Variants in TET2 observed in about 807,000 individuals in gnomAD.
TET2 encodes the protein tet methylcytosine dioxygenase 2.
Under a neutral mutation model 142.9 loss-of-function variants are expected in TET2, and 299 were observed. The ratio of observed to expected loss-of-function variants is 2.09; its 90% CI spans 1.90 to 2.30. The LOEUF is 2.30. Among genes scored for constraint, TET2 ranks in the 30% most tolerant of loss-of-function variants. The probability of loss-of-function intolerance (pLI) is 0.00; values close to 1 mark genes in which losing one functional copy is unlikely to be tolerated. For missense variants in TET2, 2,418 were observed against 2,378.0 expected, an observed-to-expected ratio of 1.02 and a Z score of -0.35; for synonymous variants, 819 against 849.0, an observed-to-expected ratio of 0.96 and a Z score of 0.61.
chr4:105,259,808 A>T (rs766647816), intron 7 of TET2, 39 bp downstream of exon 7: 1 of 1,536,722 alleles, frequency 6.5e-7, no homozygotes, highest in Admixed American at 2.0e-5. Flanking sequence ...TTTATTTTTC[A>T]TAGAGAATTC....
At chr4:105,232,564 T>C (rs776599990) in intron 2 of TET2, among the ~76,000 whole-genome samples, 2 of 152,204 alleles carry the variant, frequency 1.3e-5, no homozygotes, top group Non-Finnish European at 1.5e-5. Flanking sequence ...GAAGATGATA[T>C]CTGAGGCAGG....
chr4:105,153,076 C>T (rs1263624656), intron 1 of TET2, among the ~76,000 whole-genome samples: 1 of 152,128 alleles, frequency 6.6e-6, no homozygotes, highest in Non-Finnish European at 1.5e-5. Flanking sequence ...TATATGGGAT[C>T]ATATATTTTT....
Position 105,234,793 on chromosome 4 carries a change from TG to T in TET2, c.852del (p.Pro285LeufsTer8). 1 of 1,613,970 alleles carries T rather than the reference TG, an allele frequency of 6.2e-7. No individual in the cohort carries two copies. Among genetic ancestry groups the T allele is most frequent in the Non-Finnish European group, 8.5e-7 (1 of 1,179,954 alleles). The stretch of plus-strand genomic sequence containing the variant: ...TCCGCACAGACCTCTAACTCTGAGC[TG>T]CCTCCAAAGCCAGCTGCAGTGGTGA... ...INSAQTSNSE[L>X]PPKPAAVVSE... On this transcript the variant is annotated frameshift_variant, in exon 3 of 11. Transcript: ENST00000380013. LOFTEE classifies it high-confidence loss of function.
At chr4:105,222,933 T>C (rs1727935744) in intron 2 of TET2, among the ~76,000 whole-genome samples, 1 of 152,246 alleles carries the variant, frequency 6.6e-6, no homozygotes, top group Non-Finnish European at 1.5e-5. Flanking sequence ...TTTCCACATA[T>C]GGCTAGCCAG....
In TET2 at chr4:105,220,372, G is replaced by A. The variant is rs191553057; in HGVS notation, c.-46-13525G>A. 2.8e-4 allele frequency among the ~76,000 whole-genome samples: 42 copies of A among 152,132 alleles called. No individual in the cohort carries two copies. In the East Asian group the frequency reaches 6.8e-3, roughly 24 times the overall value. On this transcript the variant is annotated intron_variant, in intron 2 of 10. Transcript: ENST00000380013. Reference sequence around the variant, plus strand: ...TTGACCAGGTAACATAATTTTTACAGCACCTTTTGGTTATTAGAACAATTT... The same window carrying A: ...TTGACCAGGTAACATAATTTTTACAACACCTTTTGGTTATTAGAACAATTT...
intron 8 of TET2, among the ~76,000 whole-genome samples, chr4:105,264,575 A>G (rs575010187): frequency 6.6e-6 from 1 of 152,328 alleles, no homozygotes; most frequent in East Asian, 1.9e-4. Flanking sequence ...GCCATCAAAT[A>G]TGTTCAAGTT....
intron 1 of TET2, among the ~76,000 whole-genome samples, chr4:105,156,806 A>G (rs917601544): frequency 2.0e-5 from 3 of 152,188 alleles, no homozygotes; most frequent in Admixed American, 2.0e-4. Flanking sequence ...GAGCACCAGA[A>G]TGTGAGAGTA....
intron 4 of TET2, chr4:105,242,323 C>A: frequency 9.3e-7 from 1 of 1,077,894 alleles, no homozygotes; most frequent in Non-Finnish European, 1.1e-6. Flanking sequence ...GTGCTTTGGT[C>A]ATAAGGGAAG....
intron 2 of TET2, among the ~76,000 whole-genome samples, chr4:105,209,688 A>C (rs953787760): frequency 1.3e-5 from 2 of 152,182 alleles, no homozygotes; most frequent in African/African-American, 4.8e-5. Flanking sequence ...TGCTTTTATA[A>C]GAGGACGTGT....
chr4:105,246,667 G>C (rs1729597678), intron 6 of TET2, among the ~76,000 whole-genome samples: 1 of 152,084 alleles, frequency 6.6e-6, no homozygotes, highest in Non-Finnish European at 1.5e-5. Context: ...TTATTTTATG[G>C]CTGGCAGAAA....
rs59695275 is a variant in TET2 at position 105,250,380 on chromosome 4, A to ATTTTTTTTTTT, written c.3803+6623_3803+6633dup. On this transcript the variant is annotated intron_variant, in intron 6 of 10. Coordinates refer to ENST00000380013, the MANE Select transcript of TET2 (RefSeq NM_001127208.3). ...ATCAGCTTCTCCGTTTCCTTTCTGGATTTTTTTTTTTTTTTTTTTTTTTTT... is the reference window on the plus strand; with the variant it reads ...ATCAGCTTCTCCGTTTCCTTTCTGGATTTTTTTTTTTTTTTTTTTTTTTTTTTTTTTTTTTT... Among the ~76,000 whole-genome samples, 23 of 60,318 alleles carry ATTTTTTTTTTT rather than the reference A, an allele frequency of 3.8e-4. 4 individuals carry two copies. The highest frequency in any genetic ancestry group is 8.0e-4 in the South Asian group (1 of 1,244). The allele number at this position is 60,318 out of a possible 152,430, so 39.6% of individuals were successfully genotyped here.
intron 4 of TET2, 120 bp from the exon 5 acceptor site, chr4:105,242,714 C>A: frequency 1.4e-6 from 2 of 1,457,148 alleles, no homozygotes; most frequent in Non-Finnish European, 9.0e-7. Context: ...AATAATAAAC[C>A]GTTCATTTCT....
intron 1 of TET2, among the ~76,000 whole-genome samples, chr4:105,156,643 C>G (rs1262806242): frequency 6.6e-6 from 1 of 151,874 alleles, no homozygotes; most frequent in Non-Finnish European, 1.5e-5. Context: ...ATAGATGATG[C>G]ATAAAAAAAA....
intron 2 of TET2, among the ~76,000 whole-genome samples, chr4:105,204,701 T>C (rs1726713395): frequency 6.6e-6 from 1 of 152,192 alleles, no homozygotes; most frequent in African/African-American, 2.4e-5. Flanking sequence ...ACTTTAGCAG[T>C]ATATATTTCC....
In TET2 at chr4:105,259,628, C is replaced by A; in HGVS notation, c.3813C>A (p.Cys1271Ter). 2 of 1,550,462 alleles carry A rather than the reference C, an allele frequency of 1.3e-6. No homozygotes were observed. The highest frequency in any genetic ancestry group is 1.7e-6 in the Non-Finnish European group (2 of 1,146,160). The stretch of plus-strand genomic sequence containing the variant: ...TCTTTTGATTTTTCAGGAGAACTTG[C>A]GCCTGTCAGGGGCTGGATCCAGAAA... Reference protein sequence around the residue: ...RRCALNEERTCACQGLDPETC... With the variant: ...RRCALNEERT Residue 1271 changes from cysteine to a stop codon, truncating the protein, a stop_gained, in exon 7 of 11, where the codon TGC becomes TGA. Transcript: ENST00000380013. LOFTEE classifies it high-confidence loss of function.
In TET2 at chr4:105,234,902, AC is replaced by A; in HGVS notation, c.961del (p.Gln321AsnfsTer26). 6.2e-7 allele frequency: 1 copy of A among 1,614,112 alleles called. No homozygotes were observed. The highest frequency in any genetic ancestry group is 8.5e-7 in the Non-Finnish European group (1 of 1,180,000). The stretch of plus-strand genomic sequence containing the variant: ...ATACCTGTTCCTTTCAGAAACCAGA[AC>A]AACTACAACAACAAAAATCAGTTTT... The part of the protein sequence containing the change: ...LNTCSFQKPE[Q>X]LQQQKSVFEI... On this transcript the variant is annotated frameshift_variant, in exon 3 of 11. Coordinates refer to ENST00000380013, the MANE Select transcript of TET2 (RefSeq NM_001127208.3). LOFTEE classifies it high-confidence loss of function.
At chr4:105,172,212 C>A (rs1279708307) in intron 1 of TET2, among the ~76,000 whole-genome samples, 1 of 152,104 alleles carries the variant, frequency 6.6e-6, no homozygotes, top group Non-Finnish European at 1.5e-5. Context: ...CCTGCACTGT[C>A]AAAAATCCAC....
At position 105,234,859 on chromosome 4, in the gene TET2, A is replaced by G. The variant is rs779875977; in HGVS notation, c.917A>G (p.Lys306Arg). Residue 306 changes from lysine to arginine, a missense_variant, in exon 3 of 11, where the codon AAA becomes AGA. Physicochemically the swap from Lys to Arg is conservative, Grantham distance 26. Transcript: ENST00000380013. ...GCTGATGATGCTGATAATGCCAGTAAACTAGCTGCAATGCTAAATACCTGT... is the reference window on the plus strand; with the variant it reads ...GCTGATGATGCTGATAATGCCAGTAGACTAGCTGCAATGCTAAATACCTGT... ...CDADDADNAS[K>R]LAAMLNTCSF... is the part of the protein sequence containing the mutation. The G allele has an allele frequency of 3.1e-6, 5 of 1,614,094 alleles. No individual in the cohort carries two copies. In the Admixed American group the frequency reaches 8.3e-5, roughly 27 times the overall value.
At position 105,272,883 on chromosome 4, in the gene TET2, A is replaced by C. The variant is rs1293841045; in HGVS notation, c.4502A>C (p.Gln1501Pro). The change falls in exon 10 of 11, where the codon CAA becomes CCA. Residue 1501 changes from glutamine to proline, a missense_variant. Physicochemically the swap from Gln to Pro is moderately conservative, Grantham distance 76. Transcript: ENST00000380013. ...KEKSAPSRTK[Q>P]TENASQAKQL... is the part of the protein sequence containing the mutation. ...AAGTCAGCCCCATCACGTACAAAAC[A>C]AACTGAAAACGCAAGCCAGGCTAAA... 1 of 1,543,622 alleles carries C rather than the reference A, an allele frequency of 6.5e-7. No individual in the cohort carries two copies. The highest frequency in any genetic ancestry group is 8.7e-7 in the Non-Finnish European group (1 of 1,144,524).
Sources: allele counts gnomAD v4.1 joint callset (sites outside exome capture counted in the v4.1 genomes callset), GRCh38; gene constraint gnomAD v4.1.1; transcripts MANE v1.5; gene names NCBI Gene and HGNC (gene_info 2026-07-23, HGNC 2026-07-21).